BMP7: variants seen among roughly 807,000 people sequenced by gnomAD.
The protein encoded by BMP7 is osteogenic protein 1.
BMP7 carries 12 observed loss-of-function variants against 41.2 expected under a neutral mutation model. The ratio of observed to expected loss-of-function variants is 0.29; its 90% confidence interval spans 0.19 to 0.47. The LOEUF (loss-of-function observed/expected upper bound fraction) is 0.47, where lower values mean the gene tolerates loss of function less well. Ranked by LOEUF, BMP7 falls within the 20% of genes least tolerant of loss-of-function variation. The probability of loss-of-function intolerance (pLI) is 0.99; values close to 1 mark genes in which losing one functional copy is unlikely to be tolerated. For synonymous variants in BMP7, 248 were observed against 250.0 expected, an observed-to-expected ratio of 0.99 and a Z score of 0.07; for missense variants, 467 against 606.0, an observed-to-expected ratio of 0.77 and a Z score of 2.41.
At chr20:57,201,601 T>C (rs1445974801) in intron 3 of BMP7, among the ~76,000 whole-genome samples, 1 of 152,236 alleles carries the variant, frequency 6.6e-6, no homozygotes, top group Non-Finnish European at 1.5e-5. Context: ...ACACATGTAT[T>C]GTTCATAGCT....
intron 2 of BMP7, among the ~76,000 whole-genome samples, chr20:57,206,249 G>C (rs1984727926): frequency 6.6e-6 from 1 of 152,104 alleles, no homozygotes; most frequent in Non-Finnish European, 1.5e-5. Flanking sequence ...AGGCCCTGAG[G>C]AACCTAAATG....
At chr20:57,265,547 G>C (rs932789594) in intron 1 of BMP7, among the ~76,000 whole-genome samples, 158 bp downstream of exon 1, 3 of 152,236 alleles carry the variant, frequency 2.0e-5, no homozygotes, top group African/African-American at 7.2e-5. Context: ...ACACAGCTTG[G>C]GAGTCATAGG....
At chr20:57,177,973 G>C (rs1385672612) in intron 4 of BMP7, 3 of 152,326 alleles carry the variant, frequency 2.0e-5, no homozygotes, top group Admixed American at 6.5e-5. Context: ...CCACTCAGGG[G>C]CTTTTCCAGA....
Position 57,266,336 on chromosome 20 carries a change from T to C in BMP7, c.-214A>G. ...TGGCCCCGGGCCCCTCGCCCCGCAC[T>C]CGCCCGGGCGCACCGCAGGGCTTGG... On this transcript the variant is annotated 5_prime_UTR_variant, in exon 1 of 7. Transcript: ENST00000395863. 1 of 303,306 alleles carries C rather than the reference T, an allele frequency of 3.3e-6. No individual in the cohort carries two copies. Among genetic ancestry groups the C allele is most frequent in the Non-Finnish European group, 5.8e-6 (1 of 173,638 alleles). The allele number at this position is 303,306 out of a possible 1,614,324, so 18.8% of individuals were successfully genotyped here. A position where few individuals can be genotyped will look rare whatever the true frequency, so the allele number is the denominator to read the frequency against.
intron 1 of BMP7, among the ~76,000 whole-genome samples, chr20:57,233,416 C>T (rs990144751): frequency 2.0e-5 from 3 of 152,224 alleles, no homozygotes; most frequent in African/African-American, 7.2e-5. Context: ...GTCCCAAAGA[C>T]AAGTCCAGTG....
chr20:57,173,329 T>G lies in BMP7; in HGVS notation c.1036-19A>C. On this transcript the variant is annotated intron_variant, in intron 5 of 6. Transcript: ENST00000395863. ...TCCAGTCCTGAGGAGGAGAAGAGAG[T>G]GTGGGAAACCATGCAGAAGGCCTGA... is the stretch of plus-strand genomic sequence containing the variant. 6.2e-7 allele frequency: 1 copy of G among 1,609,564 alleles called. No homozygotes were observed. The highest frequency in any genetic ancestry group is 8.5e-7 in the Non-Finnish European group (1 of 1,176,416).
chr20:57,194,819 C>T (rs1984455502), intron 3 of BMP7, among the ~76,000 whole-genome samples: 3 of 152,198 alleles, frequency 2.0e-5, no homozygotes, highest in South Asian at 2.1e-4. Context: ...CTAGGGAGTA[C>T]AGAGATGGAG....
At chr20:57,181,176 T>C (rs555676235) in intron 4 of BMP7, among the ~76,000 whole-genome samples, 11 of 152,222 alleles carry the variant, frequency 7.2e-5, no homozygotes, top group African/African-American at 2.2e-4. Context: ...GGCCCCCAGA[T>C]GGTTGTGTCC....
Position 57,228,331 on chromosome 20 carries a change from G to A in BMP7, c.509C>T (p.Thr170Met), listed in dbSNP as rs371762840. The change falls in exon 2 of 7, where the codon ACG becomes ATG. Residue 170 changes from threonine to methionine, a missense_variant. Transcript: ENST00000395863. This position sits in a 1 kb window ranked among gnomAD's most constrained non-coding sequence, Gnocchi z 4.5. ...LSKIPEGEAV[T>M]AAEFRIYKDY... Reference sequence around the variant, plus strand: ...CTTGTAGATCCGGAATTCGGCTGCCGTGACAGCTTCCCCTTCTGGGATCTT... The same window carrying A: ...CTTGTAGATCCGGAATTCGGCTGCCATGACAGCTTCCCCTTCTGGGATCTT... The A allele has an allele frequency of 2.5e-5, 41 of 1,613,890 alleles. No individual in the cohort carries two copies. Among genetic ancestry groups the A allele is most frequent in the East Asian group, 6.7e-5 (3 of 44,884 alleles).
rs185995138 is a variant in BMP7, at chr20:57,246,715, G to C, written c.419-18294C>G. On this transcript the variant is annotated intron_variant, in intron 1 of 6. Coordinates refer to ENST00000395863, the MANE Select transcript of BMP7 (RefSeq NM_001719.3). The stretch of plus-strand genomic sequence containing the variant: ...ATTAACTAAAGAGGACAGGCTGGGT[G>C]CGGTGGCTCATGCCTGTAATCCCAG... 3.7e-4 allele frequency among the ~76,000 whole-genome samples: 57 copies of C among 152,332 alleles called. No homozygotes were observed. The Middle Eastern group carries it at 0.01, about 27-fold the overall frequency.
intron 2 of BMP7, among the ~76,000 whole-genome samples, chr20:57,209,188 G>A (rs1413581178): frequency 2.7e-5 from 4 of 148,782 alleles, no homozygotes; most frequent in African/African-American, 9.9e-5. Context: ...AGCCTGGGTA[G>A]CAAGGGCGAA....
At position 57,266,017 on chromosome 20, in the gene BMP7, C is replaced by T. The variant is rs760656364; in HGVS notation, c.106G>A (p.Glu36Lys). 7.7e-6 allele frequency: 12 copies of T among 1,548,486 alleles called. No homozygotes were observed. The African/African-American group carries it at 9.6e-5, about 12-fold the overall frequency. Residue 36 changes from glutamate to lysine, a missense_variant, in exon 1 of 7, where the codon GAG (glutamate) becomes AAG (lysine). Transcript: ENST00000395863. Reference sequence around the variant, plus strand: ...CGGTGGATGAAGCTCGAGTGCACCTCGTTGTCCAGGCTGAAGTCGGCCAGG... The same window carrying T: ...CGGTGGATGAAGCTCGAGTGCACCTTGTTGTCCAGGCTGAAGTCGGCCAGG... ...SALADFSLDN[E>K]VHSSFIHRRL...
chr20:57,210,726 C>T (rs1984859616), intron 2 of BMP7, among the ~76,000 whole-genome samples: 1 of 152,234 alleles, frequency 6.6e-6, no homozygotes, highest in Non-Finnish European at 1.5e-5. Flanking sequence ...TGTCTCGTTA[C>T]CTGGGACAGT....
At chr20:57,212,565 CG>C (rs1655284582) in intron 2 of BMP7, among the ~76,000 whole-genome samples, 1 of 152,194 alleles carries the variant, frequency 6.6e-6, no homozygotes, top group Admixed American at 6.5e-5. Flanking sequence ...ATGTTGTGAA[CG>C]GTTGCTGGGC....
chr20:57,195,182 G>A (rs1241805396), intron 3 of BMP7, among the ~76,000 whole-genome samples: 1 of 152,202 alleles, frequency 6.6e-6, no homozygotes, highest in Non-Finnish European at 1.5e-5. Context: ...CAGGCAGGGA[G>A]CACAGTGAGG....
At chr20:57,237,926 T>C in intron 1 of BMP7, among the ~76,000 whole-genome samples, 1 of 152,230 alleles carries the variant, frequency 6.6e-6, no homozygotes, top group African/African-American at 2.4e-5. Context: ...ACAGCCACCA[T>C]TTTTTAAAAC....
At chr20:57,177,944 G>GT (rs541269314) in intron 4 of BMP7, 9 of 152,280 alleles carry the variant, frequency 5.9e-5, no homozygotes, top group Non-Finnish European at 1.3e-4. Context: ...AGTCCCAGGT[G>GT]TAAGACAGCA....
intron 1 of BMP7, among the ~76,000 whole-genome samples, chr20:57,249,631 G>T (rs6014964): frequency 6.6e-6 from 1 of 152,156 alleles, no homozygotes; most frequent in African/African-American, 2.4e-5. Flanking sequence ...AGGTACTCAG[G>T]GAAGTGTATA....
At chr20:57,223,140 G>C (rs1985229285) in intron 2 of BMP7, among the ~76,000 whole-genome samples, 1 of 151,582 alleles carries the variant, frequency 6.6e-6, no homozygotes, top group Non-Finnish European at 1.5e-5. Flanking sequence ...TGAGGCAGGA[G>C]AATCACTTGA....
Sources: allele counts gnomAD v4.1 joint callset (sites outside exome capture counted in the v4.1 genomes callset), GRCh38; gene constraint gnomAD v4.1.1; non-coding constraint Gnocchi (gnomAD v3.1); transcripts MANE v1.5; gene names NCBI Gene and HGNC (gene_info 2026-07-23, HGNC 2026-07-21).